Variants in TTYH3 observed in about 807,000 individuals in gnomAD.
TTYH3 encodes the protein tweety family member 3.
In TTYH3, 23 loss-of-function variants were observed where a neutral mutation model predicts 68.2. The ratio of observed to expected loss-of-function variants is 0.34; its 90% confidence interval spans 0.24 to 0.48. The LOEUF is 0.48. TTYH3 is among the 20% of genes least tolerant of loss of function. The pLI is 0.99. For missense variants in TTYH3, 768 were observed against 727.7 expected (o/e 1.06, Z -0.64); for synonymous variants, 360 against 332.8 (o/e 1.08, Z -0.89).
chr7:2,643,687 CT>C (rs1372724884), intron 1 of TTYH3, among the ~76,000 whole-genome samples: 1 of 152,244 alleles, frequency 6.6e-6, no homozygotes, highest in Non-Finnish European at 1.5e-5. Context: ...GTTTTCTCAT[CT>C]GGCAAGTGGG....
At chr7:2,642,916 G>T (rs1028746812) in intron 1 of TTYH3, among the ~76,000 whole-genome samples, 12 of 151,260 alleles carry the variant, frequency 7.9e-5, no homozygotes, top group African/African-American at 2.9e-4. Context: ...TACAAAATTA[G>T]CCAGGCATTG....
intron 1 of TTYH3, among the ~76,000 whole-genome samples, chr7:2,638,448 G>A (rs754568918): frequency 1.3e-5 from 2 of 152,052 alleles, no homozygotes; most frequent in Non-Finnish European, 2.9e-5. Context: ...GGGCAGGAGC[G>A]GCTCTGAGCC....
chr7:2,632,387 C>A, intron 1 of TTYH3, 109 bp downstream of exon 1: 2 of 1,187,364 alleles, frequency 1.7e-6, no homozygotes, highest in East Asian at 3.0e-5. Context: ...CCTCATCCCC[C>A]CCTCCAGGGT....
chr7:2,660,577 TC>T, intron 13 of TTYH3: 1 of 792,772 alleles, frequency 1.3e-6, no homozygotes, highest in Non-Finnish European at 1.4e-6. Context: ...CCCGCCCCCA[TC>T]CCCTCCCCTT....
At position 2,658,355 on chromosome 7, in the gene TTYH3, C is replaced by T. The variant is rs375488405; in HGVS notation, c.1320C>T (p.Arg440=). 17 of 1,610,300 alleles carry T rather than the reference C, an allele frequency of 1.1e-5. No homozygotes were observed. The African/African-American group carries it at 1.6e-4, about 15-fold the overall frequency. The change falls in exon 12 of 14, where the codon CGC becomes CGT. Residue 440 remains arginine, a synonymous_variant. Transcript: ENST00000258796. The part of the protein sequence containing the change: ...GPRQAHDSLY[R]VHMPSLYSCG... ...GGCAGGCGCACGACAGCCTCTACCG[C>T]GTCCACATGCCCAGCCTGTACAGCT...
chr7:2,656,236 G>T, intron 10 of TTYH3, 52 bp downstream of exon 10: 2 of 1,549,898 alleles, frequency 1.3e-6, no homozygotes, highest in Non-Finnish European at 8.8e-7. Context: ...GGTGGGAACA[G>T]GGGAGCAGCT....
rs944096415 is a variant in TTYH3, at chr7:2,663,262, C to T, written c.*1523C>T. ...GCCCTGCAGTGGGGCGGGCCGCCAG[C>T]CCCAGCAGTTTACAGACGCATGGCT... On this transcript the variant is annotated 3_prime_UTR_variant, in exon 14 of 14. Coordinates refer to ENST00000258796, the MANE Select transcript of TTYH3 (RefSeq NM_025250.3). 3.3e-5 allele frequency: 5 copies of T among 152,650 alleles called. No homozygotes were observed. The highest frequency in any genetic ancestry group is 9.6e-5 in the African/African-American group (4 of 41,460). 9.5% of individuals were successfully genotyped at this position (152,650 alleles called of 1,614,324 possible). A position where few individuals can be genotyped will look rare whatever the true frequency, so the allele number is the denominator to read the frequency against.
chr7:2,645,968 A>G lies in TTYH3; in HGVS notation c.124-885A>G. 1 of 370,532 alleles carries G rather than the reference A, an allele frequency of 2.7e-6. No homozygotes were observed. Among genetic ancestry groups the G allele is most frequent in the South Asian group, 1.9e-5 (1 of 51,978 alleles). The allele number at this position is 370,532 out of a possible 1,614,324, so 23.0% of individuals were successfully genotyped here. ...GGGCTGGGGGTGAGGACAGTAGCTGATGCCGGCAGCCCCCTCCCCAGGGCT... is the reference window on the plus strand; with the variant it reads ...GGGCTGGGGGTGAGGACAGTAGCTGGTGCCGGCAGCCCCCTCCCCAGGGCT... On this transcript the variant is annotated intron_variant, in intron 1 of 13. Transcript: ENST00000258796. This position sits in a 1 kb window ranked among gnomAD's most constrained non-coding sequence, Gnocchi z 4.8.
In TTYH3 at chr7:2,651,937, C is replaced by T. The variant is rs142786886; in HGVS notation, c.872-250C>T. The stretch of plus-strand genomic sequence containing the variant: ...GCGAAGACATGTACACACAGACATG[C>T]ACACATATAAACACACAGACACATG... On this transcript the variant is annotated intron_variant, in intron 7 of 13. Transcript: ENST00000258796. Among the ~76,000 whole-genome samples, 329 of 152,272 alleles carry T rather than the reference C, an allele frequency of 2.2e-3. 3 individuals carry two copies. The highest frequency in any genetic ancestry group is 7.5e-3 in the African/African-American group (311 of 41,552).
chr7:2,658,146 A>C (rs755347849), intron 11 of TTYH3, 140 bp from the exon 12 acceptor site: 22 of 832,530 alleles, frequency 2.6e-5, no homozygotes, highest in Admixed American at 3.1e-5. Flanking sequence ...ACCTGCCCAC[A>C]GTCCCACATG....
intron 3 of TTYH3, 34 bp downstream of exon 3, chr7:2,647,287 C>G (rs766381133): frequency 1.9e-6 from 3 of 1,543,962 alleles, no homozygotes; most frequent in Non-Finnish European, 1.7e-6. Context: ...CAGGAGCACT[C>G]TTGCTGCTCC....
intron 1 of TTYH3, among the ~76,000 whole-genome samples, chr7:2,638,852 C>G (rs529241577): frequency 5.0e-4 from 76 of 152,300 alleles, no homozygotes; most frequent in Non-Finnish European, 6.6e-4. Flanking sequence ...CTGGACCCCC[C>G]ACTTGTGCAA....
intron 3 of TTYH3, 39 bp from the exon 4 acceptor site, chr7:2,647,378 CG>C: frequency 6.8e-7 from 1 of 1,460,922 alleles, no homozygotes; most frequent in African/African-American, 1.4e-5. Context: ...TGGGGCGAGG[CG>C]GGCGCGCTCC....
chr7:2,642,057 G>T (rs577149144), intron 1 of TTYH3, among the ~76,000 whole-genome samples: 2 of 152,354 alleles, frequency 1.3e-5, no homozygotes, highest in South Asian at 2.1e-4. Flanking sequence ...AGGGGCTGAG[G>T]AGCGAGGCTC....
chr7:2,660,952 C>T (rs80234984), intron 13 of TTYH3, among the ~76,000 whole-genome samples: 1,851 of 152,338 alleles, frequency 0.012, 51 homozygotes, highest in African/African-American at 0.042. Flanking sequence ...ACACTCCTGC[C>T]TGGACGAGGG....
At position 2,659,161 on chromosome 7, in the gene TTYH3, A is replaced by C. The variant is rs1176453277; in HGVS notation, c.1500+146A>C. The C allele has an allele frequency of 3.7e-6, 3 of 807,844 alleles. No individual in the cohort carries two copies. In the Admixed American group the frequency reaches 7.6e-5, roughly 21 times the overall value. The allele number at this position is 807,844 out of a possible 1,614,324, so 50.0% of individuals were successfully genotyped here. ...GCTGCCACCACCGGGGTCCCAGGTG[A>C]CCCTTCCCAGCTGGGACCTCTCTGC... On this transcript the variant is annotated intron_variant, in intron 13 of 13. Transcript: ENST00000258796.
At chr7:2,643,964 GC>G (rs960657979) in intron 1 of TTYH3, among the ~76,000 whole-genome samples, 35 of 152,300 alleles carry the variant, frequency 2.3e-4, no homozygotes, top group Admixed American at 6.5e-4. Context: ...TCCCACCGGA[GC>G]ACAGGGTCGG....
intron 1 of TTYH3, 75 bp downstream of exon 1, chr7:2,632,353 C>T (rs1312640713): frequency 3.6e-6 from 5 of 1,379,154 alleles, no homozygotes; most frequent in East Asian, 5.8e-5. Flanking sequence ...GGTCACGGCC[C>T]CCATCCCCGA....
Position 2,645,740 on chromosome 7 carries a change from C to G in TTYH3, c.124-1113C>G. On this transcript the variant is annotated intron_variant, in intron 1 of 13. Coordinates refer to ENST00000258796, the MANE Select transcript of TTYH3 (RefSeq NM_025250.3). This position sits in a 1 kb window ranked among gnomAD's most constrained non-coding sequence, Gnocchi z 4.8. ...ACAGACCCCAGACAGGATCAGACTC[C>G]TGATGGGGCCTCTTCCATGTTCACC... 2.1e-6 allele frequency: 1 copy of G among 470,116 alleles called. No individual in the cohort carries two copies. Among genetic ancestry groups the G allele is most frequent in the South Asian group, 1.6e-5 (1 of 64,412 alleles). 29.1% of individuals were successfully genotyped at this position (470,116 alleles called of 1,614,324 possible).
Sources: gnomAD v4.1 joint callset for allele counts (sites outside exome capture counted in the v4.1 genomes callset) on GRCh38, gnomAD v4.1.1 for gene constraint, Gnocchi (gnomAD v3.1) non-coding constraint, MANE v1.5 for transcripts, NCBI Gene and HGNC (gene_info 2026-07-23, HGNC 2026-07-21) for gene names.